Variants in RERG observed in about 807,000 individuals in gnomAD.
The protein encoded by RERG is RAS like estrogen regulated growth inhibitor, also known as ras-related and estrogen-regulated growth inhibitor.
Under a neutral mutation model 23.2 loss-of-function variants are expected in RERG, and 25 were observed. That is an observed-to-expected ratio of 1.08 (90% CI 0.79 to 1.50). RERG has a LOEUF of 1.50. Among genes scored for constraint, RERG ranks in the 40% most tolerant of loss-of-function variants. RERG has a pLI of 0.00. For missense variants in RERG, 253 were observed against 250.1 expected (o/e 1.01, Z -0.08); for synonymous variants, 81 against 89.1 (o/e 0.91, Z 0.51).
Position 15,195,551 on chromosome 12 carries a change from C to CTGTGTGTGTGTGTG in RERG, c.61+21864_61+21877dup, listed in dbSNP as rs71042238. On this transcript the variant is annotated intron_variant, in intron 2 of 4. Transcript: ENST00000256953. ...ACTTCTTAAGGCACAGCAAGCTTGG[C>CTGTGTGTGTGTGTG]TGTGTGTGTGTGTGTGTGTGTGTGT... is the stretch of plus-strand genomic sequence containing the variant. Among the ~76,000 whole-genome samples, 82 of 128,312 alleles carry CTGTGTGTGTGTGTG rather than the reference C, an allele frequency of 6.4e-4. 1 individual carries two copies. The highest frequency in any genetic ancestry group is 4.1e-3 in the Middle Eastern group (1 of 246). 84.2% of individuals were successfully genotyped at this position (128,312 alleles called of 152,430 possible).
At chr12:15,175,319 T>A (rs1864832707) in intron 2 of RERG, among the ~76,000 whole-genome samples, 1 of 146,926 alleles carries the variant, frequency 6.8e-6, no homozygotes, top group South Asian at 2.1e-4. Context: ...TCTTTCAACC[T>A]TTACTCTCAG....
chr12:15,206,678 T>C (rs1055154297), intron 2 of RERG, among the ~76,000 whole-genome samples: 4 of 152,098 alleles, frequency 2.6e-5, no homozygotes, highest in Non-Finnish European at 4.4e-5. Flanking sequence ...AAGTTTGATA[T>C]CAACTGCTAT....
At chr12:15,116,131 C>T (rs1019206632) in intron 3 of RERG, among the ~76,000 whole-genome samples, 1 of 152,174 alleles carries the variant, frequency 6.6e-6, no homozygotes, top group Non-Finnish European at 1.5e-5. Context: ...TTTACAGCAG[C>T]CACTTGTCTC....
chr12:15,187,053 A>C (rs1018455241), intron 2 of RERG, among the ~76,000 whole-genome samples: 1 of 152,178 alleles, frequency 6.6e-6, no homozygotes, highest in Non-Finnish European at 1.5e-5. Flanking sequence ...CTAGTTCATC[A>C]CACTCACTAT....
chr12:15,196,049 C>A (rs942473417), intron 2 of RERG, among the ~76,000 whole-genome samples: 2 of 152,148 alleles, frequency 1.3e-5, no homozygotes, highest in African/African-American at 4.8e-5. Flanking sequence ...GGAACTTTGA[C>A]TGCCTAAAGA....
chr12:15,168,148 A>T (rs918393165), intron 2 of RERG, among the ~76,000 whole-genome samples: 1 of 152,226 alleles, frequency 6.6e-6, no homozygotes, highest in African/African-American at 2.4e-5. Flanking sequence ...TTTCCAAAGA[A>T]GATTGCATTT....
At chr12:15,204,773 A>G (rs1414986868) in intron 2 of RERG, among the ~76,000 whole-genome samples, 1 of 151,892 alleles carries the variant, frequency 6.6e-6, no homozygotes, top group Non-Finnish European at 1.5e-5. Flanking sequence ...AAATAGCTAA[A>G]TTGCACATAA....
At chr12:15,193,207 G>A (rs534581893) in intron 2 of RERG, among the ~76,000 whole-genome samples, 1 of 152,228 alleles carries the variant, frequency 6.6e-6, no homozygotes, top group Non-Finnish European at 1.5e-5. Context: ...TTCTAAGGAT[G>A]ACTTGCTGTT....
chr12:15,188,609 T>A (rs1018053008), intron 2 of RERG, among the ~76,000 whole-genome samples: 41 of 152,194 alleles, frequency 2.7e-4, no homozygotes, highest in African/African-American at 9.4e-4. Context: ...TCATATTTAA[T>A]GTAAAGATGA....
chr12:15,172,617 C>T (rs1453583098), intron 2 of RERG, among the ~76,000 whole-genome samples: 1 of 152,082 alleles, frequency 6.6e-6, no homozygotes, highest in Non-Finnish European at 1.5e-5. Flanking sequence ...TCGCAGTTTA[C>T]CACATCCTTG....
At chr12:15,135,598 A>G (rs1274673943) in intron 2 of RERG, among the ~76,000 whole-genome samples, 1 of 152,072 alleles carries the variant, frequency 6.6e-6, no homozygotes, top group Non-Finnish European at 1.5e-5. Flanking sequence ...AGTTTGCTGA[A>G]AGTTTTTATC....
intron 2 of RERG, among the ~76,000 whole-genome samples, chr12:15,169,381 G>A (rs990136411): frequency 6.6e-6 from 1 of 152,174 alleles, no homozygotes; most frequent in Admixed American, 6.5e-5. Flanking sequence ...ATGCAGTTGG[G>A]TATCATCCAA....
chr12:15,124,089 C>A (rs1863891043), intron 2 of RERG, among the ~76,000 whole-genome samples: 1 of 151,928 alleles, frequency 6.6e-6, no homozygotes, highest in Non-Finnish European at 1.5e-5. Context: ...TGGTTTCTAA[C>A]AAAATGGAAA....
chr12:15,217,445 T>C lies in RERG; in HGVS notation c.45A>G (p.Ala15=). 6.2e-7 allele frequency: 1 copy of C among 1,613,210 alleles called. No homozygotes were observed. The highest frequency in any genetic ancestry group is 8.5e-7 in the Non-Finnish European group (1 of 1,179,176). Residue 15 remains alanine, a synonymous_variant, in exon 2 of 5, where the codon GCA becomes GCG. Transcript: ENST00000256953. ...AEVKLAIFGR[A]GVGKSALVVR... Reference sequence around the variant, plus strand: ...AAATCTTACCTGACTTGCCCACGCCTGCTCTCCCAAATATTGCCAGTTTGA... The same window carrying C: ...AAATCTTACCTGACTTGCCCACGCCCGCTCTCCCAAATATTGCCAGTTTGA...
Position 15,108,195 on chromosome 12 carries a change from A to C in RERG, c.*915T>G, listed in dbSNP as rs1863532919. 1 of 152,214 alleles carries C rather than the reference A, an allele frequency of 6.6e-6. No individual in the cohort carries two copies. Among genetic ancestry groups the C allele is most frequent in the South Asian group, 2.1e-4 (1 of 4,834 alleles). 9.4% of individuals were successfully genotyped at this position (152,214 alleles called of 1,614,324 possible). ...AATGAATCAGAGGCTAATTTTTCTT[A>C]CTGTACCTGGCTCAAAGTCTAGACT... On this transcript the variant is annotated 3_prime_UTR_variant, in exon 5 of 5. Coordinates refer to ENST00000256953, the MANE Select transcript of RERG (RefSeq NM_032918.3).
intron 2 of RERG, among the ~76,000 whole-genome samples, chr12:15,175,172 T>G (rs1286939004): frequency 2.0e-5 from 3 of 151,862 alleles, no homozygotes; most frequent in Non-Finnish European, 2.9e-5. Context: ...GTTGTTTTTT[T>G]TTTTGTTTTG....
chr12:15,201,780 A>G (rs1175172313), intron 2 of RERG, among the ~76,000 whole-genome samples: 1 of 151,472 alleles, frequency 6.6e-6, no homozygotes, highest in Non-Finnish European at 1.5e-5. Flanking sequence ...TTATTGTTCT[A>G]TCTCACTTGA....
chr12:15,130,036 C>T (rs1864017669), intron 2 of RERG, among the ~76,000 whole-genome samples: 2 of 152,142 alleles, frequency 1.3e-5, no homozygotes, highest in South Asian at 4.1e-4. Flanking sequence ...TGATGTTGGA[C>T]TTGAACATGT....
chr12:15,213,919 G>C (rs1018295679), intron 2 of RERG, among the ~76,000 whole-genome samples: 1 of 151,616 alleles, frequency 6.6e-6, no homozygotes, highest in African/African-American at 2.4e-5. Context: ...ACGAAGTATT[G>C]TTATGATCAT....
Sources: allele counts gnomAD v4.1 joint callset (sites outside exome capture counted in the v4.1 genomes callset), GRCh38; gene constraint gnomAD v4.1.1; transcripts MANE v1.5; gene names NCBI Gene and HGNC (gene_info 2026-07-23, HGNC 2026-07-21).